TTLL11: variants seen among roughly 807,000 people sequenced by gnomAD.
TTLL11 encodes tubulin tyrosine ligase like 11.
Under a neutral mutation model 51.7 loss-of-function variants are expected in TTLL11, and 42 were observed. The observed-to-expected ratio is 0.81, with a 90% CI of 0.64 to 1.05. The LOEUF (loss-of-function observed/expected upper bound fraction) is 1.05, where lower values mean the gene tolerates loss of function less well. Ranked by LOEUF, TTLL11 falls within the 50% of genes least tolerant of loss-of-function variation. The pLI is 0.00. For synonymous variants in TTLL11, 381 were observed against 383.5 expected, an observed-to-expected ratio of 0.99 and a Z score of 0.08; for missense variants, 799 against 940.4, an observed-to-expected ratio of 0.85 and a Z score of 1.97.
chr9:121,919,352 T>C (rs1345591782), intron 6 of TTLL11, among the ~76,000 whole-genome samples: 1 of 152,138 alleles, frequency 6.6e-6, no homozygotes, highest in Non-Finnish European at 1.5e-5. Context: ...AAAAAAAGGA[T>C]GTGAAGTGGC....
At chr9:121,960,581 A>G (rs895152954) in intron 6 of TTLL11, among the ~76,000 whole-genome samples, 12 of 152,056 alleles carry the variant, frequency 7.9e-5, no homozygotes, top group African/African-American at 2.4e-4. Flanking sequence ...TGCACCTCAC[A>G]GAGGCTACGG....
At chr9:121,862,044 T>A (rs983941216) in intron 7 of TTLL11, among the ~76,000 whole-genome samples, 4 of 152,174 alleles carry the variant, frequency 2.6e-5, no homozygotes, top group Non-Finnish European at 5.9e-5. Flanking sequence ...GACGGGCCTC[T>A]GAGCTTTGGA....
At chr9:121,967,428 T>G (rs1358296731) in intron 6 of TTLL11, among the ~76,000 whole-genome samples, 1 of 152,066 alleles carries the variant, frequency 6.6e-6, no homozygotes, top group African/African-American at 2.4e-5. Context: ...TTTCACCATG[T>G]TGGCCAGGCT....
chr9:122,092,379 G>C (rs1588273651), intron 1 of TTLL11, among the ~76,000 whole-genome samples: 1 of 152,126 alleles, frequency 6.6e-6, no homozygotes, highest in African/African-American at 2.4e-5. Flanking sequence ...TGGTGGAGGA[G>C]ACAGACGTAC....
At chr9:122,058,721 A>T (rs1350229084) in intron 1 of TTLL11, among the ~76,000 whole-genome samples, 1 of 152,206 alleles carries the variant, frequency 6.6e-6, no homozygotes, top group Non-Finnish European at 1.5e-5. Context: ...TTCACAGCTC[A>T]ACACAGCTAA....
chr9:122,034,724 G>C (rs571738702), intron 2 of TTLL11, among the ~76,000 whole-genome samples: 1 of 152,290 alleles, frequency 6.6e-6, no homozygotes, highest in East Asian at 1.9e-4. Context: ...CCTGACAAGC[G>C]TAGCAGGGTT....
intron 6 of TTLL11, among the ~76,000 whole-genome samples, chr9:121,932,874 C>A (rs1411764211): frequency 1.3e-5 from 2 of 152,138 alleles, no homozygotes; most frequent in African/African-American, 4.8e-5. Context: ...CTACAAGAGA[C>A]AGGAAAATCT....
intron 6 of TTLL11, among the ~76,000 whole-genome samples, chr9:121,875,659 T>C (rs774093684): frequency 7.9e-5 from 12 of 152,202 alleles, no homozygotes; most frequent in Non-Finnish European, 1.5e-4. Context: ...ATAATTCCAA[T>C]TATCATGTTG....
intron 3 of TTLL11, among the ~76,000 whole-genome samples, chr9:122,017,293 C>T (rs112504070): frequency 0.018 from 2,708 of 152,148 alleles, 66 homozygotes; most frequent in African/African-American, 0.061. Flanking sequence ...GGCTTTCACC[C>T]GTCAAAAACG....
At chr9:121,898,838 G>A (rs1169947981) in intron 6 of TTLL11, among the ~76,000 whole-genome samples, 1 of 152,236 alleles carries the variant, frequency 6.6e-6, no homozygotes, top group Non-Finnish European at 1.5e-5. Flanking sequence ...ATCCACGTGT[G>A]CAGCTGAGGA....
Position 121,898,398 on chromosome 9 carries a change from G to C in TTLL11, c.1482-27650C>G, listed in dbSNP as rs35526801. On this transcript the variant is annotated intron_variant, in intron 6 of 8. Coordinates refer to ENST00000321582, the MANE Select transcript of TTLL11 (RefSeq NM_001139442.2). The stretch of plus-strand genomic sequence containing the variant: ...CTGAAAAGGGGATGTGGGGGCTTCA[G>C]GCAGATGGGGTAACCCCACTGGCTG... Among the ~76,000 whole-genome samples the C allele has an allele frequency of 3.0e-3, 463 of 152,390 alleles. 3 individuals carry two copies. Among genetic ancestry groups the C allele is most frequent in the African/African-American group, 0.011 (445 of 41,606 alleles).
intron 1 of TTLL11, among the ~76,000 whole-genome samples, chr9:122,054,960 C>A (rs1845251611): frequency 6.6e-6 from 1 of 152,142 alleles, no homozygotes; most frequent in African/African-American, 2.4e-5. Context: ...ATCCAGGAAC[C>A]CAGTCCAATT....
chr9:122,039,391 C>T lies in TTLL11; in HGVS notation c.463-23G>A, dbSNP rs370218078. The T allele has an allele frequency of 5.5e-5, 88 of 1,592,092 alleles. 2 individuals carry two copies. The highest frequency in any genetic ancestry group is 5.4e-4 in the South Asian group (49 of 90,408). On this transcript the variant is annotated intron_variant, in intron 1 of 8. Transcript: ENST00000321582. ...GAACTAGAAGAGAAAAAATGTGACT[C>T]GCAATAAGAATAAGAAGAGCAGTGA...
At chr9:121,920,902 C>A (rs1383257775) in intron 6 of TTLL11, among the ~76,000 whole-genome samples, 1 of 152,196 alleles carries the variant, frequency 6.6e-6, no homozygotes, top group Non-Finnish European at 1.5e-5. Flanking sequence ...ACCGCTTTGC[C>A]TGGGGAAGGT....
Position 121,989,262 on chromosome 9 carries a change from G to A in TTLL11, c.1202C>T (p.Thr401Ile). Residue 401 changes from threonine (T) to isoleucine (I), a missense_variant, in exon 4 of 9, where the codon ACT becomes ATT. Transcript: ENST00000321582. This position sits in a 1 kb window ranked among gnomAD's most constrained non-coding sequence, Gnocchi z 4.2. ...CTGGTAGAAGACTTTGAGCTCTGGA[G>A]TCAGCGCGATGACCGTCTTAATCAC... ...SVVIKTVIAL[T>I]PELKVFYQSD... 1 of 1,614,200 alleles carries A rather than the reference G, an allele frequency of 6.2e-7. No individual in the cohort carries two copies. The highest frequency in any genetic ancestry group is 1.3e-5 in the African/African-American group (1 of 75,050).
At chr9:121,899,365 GTATATATATATACATATATATATA>G (rs1300876166) in intron 6 of TTLL11, among the ~76,000 whole-genome samples, 3 of 113,248 alleles carry the variant, frequency 2.6e-5, no homozygotes, top group East Asian at 3.1e-4. Context: ...ATGTGTGTGT[GTATATATATATACATATATATATA>G]TATATATATA....
chr9:122,016,048 A>C (rs967511483), intron 3 of TTLL11, among the ~76,000 whole-genome samples: 4 of 152,160 alleles, frequency 2.6e-5, no homozygotes, highest in Non-Finnish European at 4.4e-5. Flanking sequence ...AAAGAAAAAC[A>C]ACAAGGTGTT....
chr9:122,035,911 T>C (rs1844687682), intron 2 of TTLL11, among the ~76,000 whole-genome samples: 1 of 152,140 alleles, frequency 6.6e-6, no homozygotes, highest in African/African-American at 2.4e-5. Context: ...TGACGCCCTC[T>C]AACCATGGTA....
rs191165141 is a variant in TTLL11, at chr9:121,969,068, C to T, written c.1481+4941G>A. On this transcript the variant is annotated intron_variant, in intron 6 of 8. Transcript: ENST00000321582. ...TATTTTTAGTAGAGATGGGGTTTCA[C>T]CATGTTGGCCAGGCTGGTCTTGAAC... Among the ~76,000 whole-genome samples, 364 of 152,224 alleles carry T rather than the reference C, an allele frequency of 2.4e-3. 1 individual carries two copies. The highest frequency in any genetic ancestry group is 8.3e-3 in the African/African-American group (344 of 41,520).
Sources: gnomAD v4.1 joint callset for allele counts (sites outside exome capture counted in the v4.1 genomes callset) on GRCh38, gnomAD v4.1.1 for gene constraint, Gnocchi (gnomAD v3.1) non-coding constraint, MANE v1.5 for transcripts, NCBI Gene and HGNC (gene_info 2026-07-23, HGNC 2026-07-21) for gene names.